Variants in STAU1 observed in about 807,000 individuals in gnomAD.
The protein encoded by STAU1 is staufen double-stranded RNA binding protein 1, also known as double-stranded RNA-binding protein Staufen homolog 1.
A neutral mutation model predicts 62.9 loss-of-function variants in STAU1; 13 were observed. The observed-to-expected ratio is 0.21, with a 90% CI of 0.13 to 0.33. The LOEUF is 0.33. STAU1 is among the 10% of genes least tolerant of loss of function. The pLI, the probability that STAU1 is intolerant of heterozygous loss-of-function variation, is 1.00. For missense variants in STAU1, 571 were observed against 712.1 expected (o/e 0.80, Z 2.25); for synonymous variants, 269 against 265.1 (o/e 1.01, Z -0.14).
chr20:49,157,272 T>C (rs1411585836), intron 3 of STAU1, among the ~76,000 whole-genome samples: 1 of 152,220 alleles, frequency 6.6e-6, no homozygotes, highest in Non-Finnish European at 1.5e-5. Context: ...CAATGTTTGT[T>C]TTGATGCTGC....
intron 10 of STAU1, 25 bp from the exon 11 acceptor site, chr20:49,118,121 AC>A: frequency 6.2e-7 from 1 of 1,603,070 alleles, no homozygotes; most frequent in South Asian, 1.1e-5. Context: ...CACGGTAAAC[AC>A]GAATCCACAT....
the STAU1 span, among the ~76,000 whole-genome samples, chr20:49,208,395 G>A: frequency 6.6e-6 from 1 of 151,940 alleles, no homozygotes; most frequent in Non-Finnish European, 1.5e-5. Flanking sequence ...TAGAGATGGG[G>A]TTTCACCATG....
At chr20:49,212,615 A>ATTTTT in the STAU1 span, among the ~76,000 whole-genome samples, 5 of 85,176 alleles carry the variant, frequency 5.9e-5, no homozygotes, top group African/African-American at 1.4e-4. Flanking sequence ...AGCTATTGGA[A>ATTTTT]TTTTTTTTTT....
chr20:49,198,648 G>T, the STAU1 span, among the ~76,000 whole-genome samples: 1 of 151,498 alleles, frequency 6.6e-6, no homozygotes. Flanking sequence ...TGGCCCACAT[G>T]ATAAAACTCC....
the STAU1 span, among the ~76,000 whole-genome samples, chr20:49,219,093 T>C: frequency 6.6e-6 from 1 of 151,906 alleles, no homozygotes; most frequent in East Asian, 1.9e-4. Context: ...TAACTGCTTA[T>C]TGTATTTTCT....
intron 1 of STAU1, among the ~76,000 whole-genome samples, chr20:49,186,679 C>T (rs1212552423): frequency 6.6e-6 from 1 of 152,042 alleles, no homozygotes; most frequent in Non-Finnish European, 1.5e-5. Flanking sequence ...AAAATCCCAC[C>T]TGTCACCAGG....
chr20:49,161,595 C>CCT (rs1303020470), intron 3 of STAU1, among the ~76,000 whole-genome samples: 3 of 152,176 alleles, frequency 2.0e-5, no homozygotes, highest in African/African-American at 7.2e-5. Context: ...CACACAAAAG[C>CCT]CTATACTCAA....
At chr20:49,197,166 A>G in the STAU1 span, among the ~76,000 whole-genome samples, 2 of 152,012 alleles carry the variant, frequency 1.3e-5, no homozygotes, top group Non-Finnish European at 1.5e-5. Context: ...AAAAAATAAA[A>G]TAAAATAAAA....
At chr20:49,160,450 T>C (rs2093430830) in intron 3 of STAU1, among the ~76,000 whole-genome samples, 1 of 152,218 alleles carries the variant, frequency 6.6e-6, no homozygotes, top group Admixed American at 6.5e-5. Flanking sequence ...TCTCATACTA[T>C]ATCATCTTAC....
intron 3 of STAU1, among the ~76,000 whole-genome samples, chr20:49,162,616 T>C (rs763654515): frequency 2.4e-4 from 36 of 150,732 alleles, no homozygotes; most frequent in Non-Finnish European, 4.7e-4. Flanking sequence ...CTACTAAAAA[T>C]ACCAAAAAAA....
chr20:49,124,324 C>A (rs778273178), intron 7 of STAU1, 51 bp downstream of exon 7: 230 of 1,580,270 alleles, frequency 1.5e-4, no homozygotes, highest in Non-Finnish European at 1.9e-4. Flanking sequence ...CTAAACCCCC[C>A]ACCCATCTAT....
rs1171534142 is a variant in STAU1 at position 49,125,198 on chromosome 20, CAAAAAAAAAAAA to C, written c.610-623_610-612del. ...ACACACATTTATAAGCTCATTTTTG[CAAAAAAAAAAAA>C]AAAAAAAAAAAAAACGAAGGATAAA... On this transcript the variant is annotated intron_variant, in intron 6 of 13. Coordinates refer to ENST00000371856, the MANE Select transcript of STAU1 (RefSeq NM_017453.4). Among the ~76,000 whole-genome samples the C allele has an allele frequency of 3.9e-4, 13 of 33,734 alleles. No individual in the cohort carries two copies. In the East Asian group the frequency reaches 0.015, roughly 40 times the overall value. The allele number at this position is 33,734 out of a possible 152,430, so 22.1% of individuals were successfully genotyped here.
At chr20:49,149,290 A>ACACACACG (rs57664395) in intron 5 of STAU1, among the ~76,000 whole-genome samples, 9 of 147,324 alleles carry the variant, frequency 6.1e-5, no homozygotes, top group African/African-American at 1.8e-4. Context: ...ACACACACAC[A>ACACACACG]CCAGCAAGAA....
At chr20:49,203,585 A>G in the STAU1 span, among the ~76,000 whole-genome samples, 1 of 152,214 alleles carries the variant, frequency 6.6e-6, no homozygotes, top group Non-Finnish European at 1.5e-5. Context: ...TAAGAGAAGA[A>G]AGAGCCCTTT....
At chr20:49,158,992 C>T in intron 3 of STAU1, 1 of 1,299,706 alleles carries the variant, frequency 7.7e-7, no homozygotes, top group Non-Finnish European at 1.0e-6. Flanking sequence ...ATTATATGTT[C>T]TGCAGTCCAT....
chr20:49,213,483 C>T, the STAU1 span, among the ~76,000 whole-genome samples: 2 of 152,206 alleles, frequency 1.3e-5, no homozygotes, highest in Non-Finnish European at 2.9e-5. Context: ...CTGCCTCGGG[C>T]TCCCAAAGTG....
At chr20:49,163,344 T>C (rs182988861) in intron 3 of STAU1, among the ~76,000 whole-genome samples, 7 of 152,174 alleles carry the variant, frequency 4.6e-5, no homozygotes, top group East Asian at 1.9e-4. Context: ...CATAAGAATA[T>C]TGGTTTTAGG....
chr20:49,135,003 G>A (rs2092843876), intron 6 of STAU1: 23 of 1,601,334 alleles, frequency 1.4e-5, no homozygotes, highest in Non-Finnish European at 1.9e-5. Flanking sequence ...AGTCTTTCAG[G>A]ACCTGGACAG....
In STAU1 at chr20:49,135,510, G is replaced by C. The variant is rs1432770070; in HGVS notation, c.609+323C>G. Among the ~76,000 whole-genome samples, 2 of 152,156 alleles carry C rather than the reference G, an allele frequency of 1.3e-5. 1 individual carries two copies. Among genetic ancestry groups the C allele is most frequent in the African/African-American group, 4.8e-5 (2 of 41,430 alleles). On this transcript the variant is annotated intron_variant, in intron 6 of 13. Transcript: ENST00000371856. ...AAATGCTTTTGAGACTGATCTAAGT[G>C]ATGAACTAGCCCCTCCACCCTTCCC...
Sources: gnomAD v4.1 joint callset for allele counts (sites outside exome capture counted in the v4.1 genomes callset) on GRCh38, gnomAD v4.1.1 for gene constraint, MANE v1.5 for transcripts, NCBI Gene and HGNC (gene_info 2026-07-23, HGNC 2026-07-21) for gene names.